Variants in TRDN observed in about 807,000 individuals in gnomAD.
TRDN encodes triadin in skeletal muscle.
TRDN carries 161 observed loss-of-function variants against 149.7 expected under a neutral mutation model. The observed-to-expected ratio is 1.08, with a 90% CI of 0.95 to 1.23. The LOEUF (loss-of-function observed/expected upper bound fraction) is 1.23. TRDN is among the 50% of genes most tolerant of loss of function. TRDN has a pLI of 0.00. For missense variants in TRDN, 896 were observed against 823.5 expected (o/e 1.09, Z -1.08); for synonymous variants, 294 against 250.5 (o/e 1.17, Z -1.64).
chr6:123,526,170 G>T (rs190983079), intron 5 of TRDN, among the ~76,000 whole-genome samples: 193 of 152,136 alleles, frequency 1.3e-3, no homozygotes, highest in South Asian at 2.5e-3. Flanking sequence ...ATTTAAAGAT[G>T]CATACAGTCT....
intron 23 of TRDN, among the ~76,000 whole-genome samples, chr6:123,328,005 A>G (rs2114720438): frequency 6.6e-6 from 1 of 152,314 alleles, no homozygotes; most frequent in East Asian, 1.9e-4. Flanking sequence ...ATCATTTTAA[A>G]ATGCTTGTAT....
intron 12 of TRDN, among the ~76,000 whole-genome samples, chr6:123,434,764 G>GAT (rs1410748595): frequency 6.6e-6 from 1 of 151,560 alleles, no homozygotes; most frequent in Non-Finnish European, 1.5e-5. Flanking sequence ...ATACCAAGAT[G>GAT]ATTTTTTTTT....
intron 9 of TRDN, among the ~76,000 whole-genome samples, chr6:123,467,436 A>C (rs1393435249): frequency 1.3e-5 from 2 of 152,072 alleles, no homozygotes; most frequent in African/African-American, 4.8e-5. Flanking sequence ...CACAACTATA[A>C]TGCTCTTTTT....
intron 5 of TRDN, among the ~76,000 whole-genome samples, chr6:123,519,318 A>G (rs1779556022): frequency 6.7e-6 from 1 of 148,978 alleles, no homozygotes; most frequent in African/African-American, 2.6e-5. Context: ...ATTCAGCTCA[A>G]CTGGACCCAA....
At chr6:123,554,994 A>G (rs1157122091) in intron 2 of TRDN, among the ~76,000 whole-genome samples, 1 of 152,188 alleles carries the variant, frequency 6.6e-6, no homozygotes, top group African/African-American at 2.4e-5. Flanking sequence ...AAGCTTGCAC[A>G]GTGAATTTAA....
rs760670067 is a variant in TRDN, at chr6:123,377,759, A to G, written c.1220-17T>C. 4 of 1,613,008 alleles carry G rather than the reference A, an allele frequency of 2.5e-6. No homozygotes were observed. The highest frequency in any genetic ancestry group is 2.2e-5 in the East Asian group (1 of 44,862). On this transcript the variant is annotated splice_polypyrimidine_tract_variant and intron_variant, in intron 17 of 40. Transcript: ENST00000334268. ...GTGACTTTGCTGTATCAAAAAGGAA[A>G]GAAAAAAAAATCAGCATTCTATGTC...
intron 1 of TRDN, among the ~76,000 whole-genome samples, chr6:123,621,404 C>T (rs977331403): frequency 6.6e-6 from 1 of 152,062 alleles, no homozygotes; most frequent in Non-Finnish European, 1.5e-5. Flanking sequence ...CTTCTTCATG[C>T]TGAATTCAAC....
At chr6:123,570,206 C>T (rs1365478678) in intron 2 of TRDN, among the ~76,000 whole-genome samples, 3 of 152,080 alleles carry the variant, frequency 2.0e-5, no homozygotes, top group Non-Finnish European at 4.4e-5. Flanking sequence ...TGAAATGTTT[C>T]GCTTATGGTA....
At chr6:123,547,512 A>C (rs1781174613) in intron 3 of TRDN, 140 bp from the exon 4 acceptor site, 6 of 465,402 alleles carry the variant, frequency 1.3e-5, no homozygotes, top group Non-Finnish European at 2.2e-5. Flanking sequence ...TTTGCTTCCC[A>C]AATTCCAGTT....
chr6:123,451,030 A>G (rs117208538), intron 10 of TRDN, among the ~76,000 whole-genome samples: 1 of 152,294 alleles, frequency 6.6e-6, no homozygotes, highest in East Asian at 1.9e-4. Context: ...CAAGAAGGAA[A>G]TTTAAAAATT....
intron 9 of TRDN, among the ~76,000 whole-genome samples, chr6:123,483,656 CA>C (rs1194460993): frequency 6.6e-6 from 1 of 152,106 alleles, no homozygotes; most frequent in East Asian, 1.9e-4. Flanking sequence ...GCTTAATTAG[CA>C]CCTTCTTCTA....
intron 23 of TRDN, among the ~76,000 whole-genome samples, chr6:123,317,999 A>G (rs569727284): frequency 3.9e-5 from 6 of 152,098 alleles, no homozygotes; most frequent in Non-Finnish European, 7.4e-5. Flanking sequence ...TATGTGTCCA[A>G]TGATAGCAAA....
At chr6:123,447,069 G>C (rs1382578679) in intron 10 of TRDN, among the ~76,000 whole-genome samples, 1 of 152,058 alleles carries the variant, frequency 6.6e-6, no homozygotes, top group Admixed American at 6.5e-5. Flanking sequence ...GAGTTATGTG[G>C]CATAACTAAG....
chr6:123,350,774 C>G (rs1160274941), intron 21 of TRDN: 32 of 965,528 alleles, frequency 3.3e-5, no homozygotes, highest in Non-Finnish European at 3.7e-5. Context: ...AATGATTTAC[C>G]AAGTCAATAT....
At chr6:123,485,489 G>T (rs2114781377) in intron 9 of TRDN, among the ~76,000 whole-genome samples, 1 of 152,168 alleles carries the variant, frequency 6.6e-6, no homozygotes, top group African/African-American at 2.4e-5. Context: ...TGAGGCAGTG[G>T]AGATTTAAAG....
At chr6:123,444,947 T>C (rs1455623033) in intron 10 of TRDN, 3 of 152,254 alleles carry the variant, frequency 2.0e-5, no homozygotes, top group Non-Finnish European at 4.4e-5. Context: ...GATTTTTCCA[T>C]CAATGTTCAT....
intron 9 of TRDN, among the ~76,000 whole-genome samples, chr6:123,486,651 T>G (rs575146987): frequency 6.6e-6 from 1 of 151,638 alleles, no homozygotes; most frequent in Non-Finnish European, 1.5e-5. Flanking sequence ...CTATAGGCAT[T>G]AATCATATTA....
At chr6:123,469,894 T>G (rs530458630) in intron 9 of TRDN, 1 of 152,284 alleles carries the variant, frequency 6.6e-6, no homozygotes, top group East Asian at 1.9e-4. Context: ...TGCCTTGTTC[T>G]GTTCCAGAAC....
At chr6:123,349,458 T>C (rs1470871588) in intron 21 of TRDN, 1 of 858,954 alleles carries the variant, frequency 1.2e-6, no homozygotes, top group Non-Finnish European at 1.4e-6. Context: ...TCAAAAAGTT[T>C]AGAATTCACA....
Sources: allele counts gnomAD v4.1 joint callset (sites outside exome capture counted in the v4.1 genomes callset), GRCh38; gene constraint gnomAD v4.1.1; transcripts MANE v1.5; gene names NCBI Gene and HGNC (gene_info 2026-07-23, HGNC 2026-07-21).